Variants in IL3RA observed in about 807,000 individuals in gnomAD.
IL3RA encodes the protein interleukin-3 receptor subunit alpha.
IL3RA carries 73 observed loss-of-function variants against 52.3 expected under a neutral mutation model. The ratio of observed to expected loss-of-function variants is 1.40; its 90% CI spans 1.16 to 1.70. The LOEUF (loss-of-function observed/expected upper bound fraction) is 1.70, where lower values mean the gene tolerates loss of function less well. IL3RA is among the 40% of genes most tolerant of loss of function. IL3RA has a pLI of 0.00. For missense variants in IL3RA, 664 were observed against 504.4 expected (o/e 1.32, Z -3.03); for synonymous variants, 260 against 194.0 (o/e 1.34, Z -2.83).
chrX:1,358,359 GC>G (rs1409955935), intron 7 of IL3RA, among the ~76,000 whole-genome samples: 4 of 151,788 alleles, frequency 2.6e-5, no homozygotes, highest in Non-Finnish European at 5.9e-5. Flanking sequence ...TGCCACAGTG[GC>G]CCATAAGAAA....
chrX:1,344,580 C>G (rs1486489186), intron 2 of IL3RA, among the ~76,000 whole-genome samples: 1 of 151,310 alleles, frequency 6.6e-6, no homozygotes, highest in African/African-American at 2.4e-5. Flanking sequence ...CGAGACCATC[C>G]TGGCCAACAT....
At chrX:1,369,410 G>A (rs1352894838) in intron 9 of IL3RA, among the ~76,000 whole-genome samples, 29 of 4,256 alleles carry the variant, frequency 6.8e-3, no homozygotes, top group Middle Eastern at 0.022. Flanking sequence ...CCCTGTGAGG[G>A]CACAGGGAGA....
At chrX:1,378,528 G>C (rs1416327836) in intron 9 of IL3RA, 131 bp from the exon 10 acceptor site, 11 of 735,994 alleles carry the variant, frequency 1.5e-5, no homozygotes, top group Non-Finnish European at 2.3e-5. Context: ...GCACTACTGG[G>C]GTGTCCCCCC....
chrX:1,344,366 G>T (rs1252943410), intron 2 of IL3RA, among the ~76,000 whole-genome samples: 7 of 149,174 alleles, frequency 4.7e-5, no homozygotes, highest in Non-Finnish European at 6.0e-5. Context: ...CCCGGGAGGC[G>T]GAGGTTGTAG....
At chrX:1,362,731 G>A (rs1192096035) in intron 8 of IL3RA, among the ~76,000 whole-genome samples, 15 of 152,010 alleles carry the variant, frequency 9.9e-5, no homozygotes, top group Non-Finnish European at 1.5e-4. Context: ...CTCTGCCTCC[G>A]TCTCCACATG....
chrX:1,345,435 G>C lies in IL3RA; in HGVS notation c.183+1G>C. 6.5e-7 allele frequency: 1 copy of C among 1,548,108 alleles called. No homozygotes were observed. Among genetic ancestry groups the C allele is most frequent in the Non-Finnish European group, 8.9e-7 (1 of 1,129,360 alleles). ...TAAAGACGCCGACTATTCTATGCCG[G>C]TAAATCATACTCTCTATTGTTTTTT... is the stretch of plus-strand genomic sequence containing the variant. On this transcript the variant is annotated splice_donor_variant, in intron 3 of 11. Transcript: ENST00000331035. LOFTEE classifies it high-confidence loss of function.
At chrX:1,349,304 C>A (rs2085971000) in intron 4 of IL3RA, among the ~76,000 whole-genome samples, 1 of 151,752 alleles carries the variant, frequency 6.6e-6, no homozygotes, top group South Asian at 2.1e-4. Context: ...GCCTCAGCCT[C>A]CCGAGTAGCT....
rs145181017 is a variant in IL3RA at position 1,349,559 on chromosome X, G to A, written c.298+1014G>A. On this transcript the variant is annotated intron_variant, in intron 4 of 11. Coordinates refer to ENST00000331035, the MANE Select transcript of IL3RA (RefSeq NM_002183.4). ...ACTCCTAGGCTCAAGTGATCCTCCC[G>A]CCTCAGTCTCCCAAAGTGCAGGGAT... 5.4e-3 allele frequency among the ~76,000 whole-genome samples: 818 copies of A among 152,178 alleles called. 6 individuals carry two copies. The highest frequency in any genetic ancestry group is 0.019 in the African/African-American group (777 of 41,518).
At chrX:1,349,230 G>A (rs1233293320) in intron 4 of IL3RA, among the ~76,000 whole-genome samples, 1 of 149,222 alleles carries the variant, frequency 6.7e-6, no homozygotes, top group Admixed American at 6.7e-5. Context: ...CCACCAGGCT[G>A]GAGTGCACTG....
intron 6 of IL3RA, among the ~76,000 whole-genome samples, chrX:1,355,694 A>G (rs2086657044): frequency 6.6e-6 from 1 of 151,918 alleles, no homozygotes; most frequent in Admixed American, 6.6e-5. Context: ...GGGGCCAGGA[A>G]GTGGAAGCTT....
At chrX:1,368,255 C>T (rs1488952213) in intron 9 of IL3RA, among the ~76,000 whole-genome samples, 2 of 151,998 alleles carry the variant, frequency 1.3e-5, no homozygotes, top group Non-Finnish European at 2.9e-5. Context: ...AAGAGCGAGA[C>T]TCCATCTCAA....
At chrX:1,345,244 A>AAC (rs1438442394) in intron 2 of IL3RA, 72 bp from the exon 3 acceptor site, 25 of 962,400 alleles carry the variant, frequency 2.6e-5, no homozygotes, top group South Asian at 2.3e-4. Flanking sequence ...AAAAAAAAAA[A>AAC]ACCATACCCC....
At chrX:1,381,512 G>A (rs1440811189) in intron 11 of IL3RA, among the ~76,000 whole-genome samples, 25 of 151,778 alleles carry the variant, frequency 1.6e-4, no homozygotes, top group African/African-American at 5.3e-4. Context: ...GGCCGTCTCC[G>A]CACCCTGCAC....
intron 8 of IL3RA, among the ~76,000 whole-genome samples, chrX:1,361,964 A>G (rs750887085): frequency 4.4e-4 from 67 of 151,806 alleles, no homozygotes; most frequent in African/African-American, 1.5e-3. Context: ...GACACAGCCA[A>G]ACTACATCAC....
At chrX:1,338,270 GTCCA>G (rs1408463024) in intron 1 of IL3RA, among the ~76,000 whole-genome samples, 1 of 149,856 alleles carries the variant, frequency 6.7e-6, no homozygotes, top group East Asian at 2.0e-4. Flanking sequence ...AAAATATAAT[GTCCA>G]TCCACACAGT....
intron 7 of IL3RA, 137 bp from the exon 8 acceptor site, chrX:1,358,724 C>T: frequency 2.8e-6 from 2 of 711,190 alleles, no homozygotes; most frequent in East Asian, 2.7e-5. Context: ...TTATTTTGCC[C>T]CCACTGCTGC....
intron 8 of IL3RA, among the ~76,000 whole-genome samples, chrX:1,361,286 C>A (rs1336408611): frequency 6.6e-6 from 1 of 151,632 alleles, no homozygotes; most frequent in African/African-American, 2.4e-5. Flanking sequence ...TGTCTGTCCC[C>A]CTGTATTAGT....
At chrX:1,366,907 G>C (rs1451652409) in intron 9 of IL3RA, among the ~76,000 whole-genome samples, 1 of 28,290 alleles carries the variant, frequency 3.5e-5, no homozygotes, top group Non-Finnish European at 6.3e-5. Flanking sequence ...AGCCGGGTGC[G>C]CGGGGTGAGC....
chrX:1,354,092 G>A (rs2086417356), intron 6 of IL3RA, among the ~76,000 whole-genome samples: 2 of 148,006 alleles, frequency 1.4e-5, no homozygotes, highest in Admixed American at 6.7e-5. Context: ...ATGAGTCATG[G>A]AATCCCTCAT....
Sources: allele counts gnomAD v4.1 joint callset (sites outside exome capture counted in the v4.1 genomes callset), GRCh38; gene constraint gnomAD v4.1.1; transcripts MANE v1.5; gene names NCBI Gene and HGNC (gene_info 2026-07-23, HGNC 2026-07-21).